ARHGAP10: variants seen among roughly 807,000 people sequenced by gnomAD.
ARHGAP10 encodes the protein Rho GTPase activating protein 10, also known as rho GTPase-activating protein 10.
A neutral mutation model predicts 108.6 loss-of-function variants in ARHGAP10; 87 were observed. That is an observed-to-expected ratio of 0.80 (90% confidence interval 0.67 to 0.96). The LOEUF is 0.96. Ranked by LOEUF, ARHGAP10 falls within the 40% of genes least tolerant of loss-of-function variation. The probability of loss-of-function intolerance (pLI) is 0.00; values close to 1 mark genes in which losing one functional copy is unlikely to be tolerated. For missense variants in ARHGAP10, 939 were observed against 954.5 expected (o/e 0.98, Z 0.21); for synonymous variants, 347 against 341.1 (o/e 1.02, Z -0.19).
chr4:147,944,903 A>T (rs945548010), intron 14 of ARHGAP10, among the ~76,000 whole-genome samples: 2 of 152,074 alleles, frequency 1.3e-5, no homozygotes, highest in African/African-American at 2.4e-5. Context: ...CTTTTCAGTG[A>T]CTCAGCAGTG....
At chr4:147,970,076 C>T (rs1248627203) in intron 18 of ARHGAP10, among the ~76,000 whole-genome samples, 1 of 152,132 alleles carries the variant, frequency 6.6e-6, no homozygotes, top group Non-Finnish European at 1.5e-5. Flanking sequence ...CTTGTCTCTC[C>T]CATTTCATCT....
intron 1 of ARHGAP10, among the ~76,000 whole-genome samples, chr4:147,776,679 T>C (rs1730304950): frequency 6.6e-6 from 1 of 152,146 alleles, no homozygotes; most frequent in African/African-American, 2.4e-5. Flanking sequence ...CTATTCCCTT[T>C]GTTTCCTTGC....
intron 17 of ARHGAP10, among the ~76,000 whole-genome samples, 169 bp from the exon 18 acceptor site, chr4:147,966,511 G>A (rs191467350): frequency 6.6e-6 from 1 of 152,276 alleles, no homozygotes; most frequent in East Asian, 1.9e-4. Context: ...GTAGGCAGGA[G>A]CATCTGCATG....
At chr4:147,974,504 G>A (rs1739522556) in intron 18 of ARHGAP10, among the ~76,000 whole-genome samples, 1 of 152,040 alleles carries the variant, frequency 6.6e-6, no homozygotes, top group African/African-American at 2.4e-5. Flanking sequence ...ATAAAGTAAG[G>A]AATATAATGT....
intron 18 of ARHGAP10, among the ~76,000 whole-genome samples, chr4:148,003,110 C>T (rs112549062): frequency 0.14 from 21,616 of 152,108 alleles, 2,451 homozygotes; most frequent in African/African-American, 0.32. Context: ...TTCTGGTATG[C>T]TGTGTCGTTG....
intron 19 of ARHGAP10, among the ~76,000 whole-genome samples, chr4:148,024,255 G>A (rs1318001414): frequency 6.6e-6 from 1 of 152,182 alleles, no homozygotes; most frequent in Non-Finnish European, 1.5e-5. Flanking sequence ...GAGAACATTT[G>A]CTGAATTTGA....
intron 1 of ARHGAP10, among the ~76,000 whole-genome samples, chr4:147,737,103 T>C (rs1017950320): frequency 2.0e-5 from 3 of 152,132 alleles, no homozygotes; most frequent in Admixed American, 2.0e-4. Flanking sequence ...TGAGTTGGGT[T>C]TTCTGCTACT....
chr4:148,062,647 C>T (rs545620772), intron 20 of ARHGAP10, among the ~76,000 whole-genome samples: 190 of 152,288 alleles, frequency 1.2e-3, no homozygotes, highest in African/African-American at 4.3e-3. Flanking sequence ...TCATTGGTTT[C>T]GAAGTCTTTG....
intron 19 of ARHGAP10, among the ~76,000 whole-genome samples, chr4:148,024,764 A>C (rs1741702949): frequency 6.6e-6 from 1 of 152,200 alleles, no homozygotes; most frequent in South Asian, 2.1e-4. Flanking sequence ...ATTCTTTCTC[A>C]GCAGAGTTGT....
intron 9 of ARHGAP10, among the ~76,000 whole-genome samples, chr4:147,881,194 AC>A (rs1579154626): frequency 1.3e-5 from 2 of 151,652 alleles, no homozygotes; most frequent in Admixed American, 6.6e-5. Flanking sequence ...AGTTGCTTGA[AC>A]CCAGGATTCG....
At position 147,741,767 on chromosome 4, in the gene ARHGAP10, T is replaced by TACAC. The variant is rs369661175; in HGVS notation, c.154+9333_154+9336dup. 7.7e-3 allele frequency among the ~76,000 whole-genome samples: 1,037 copies of TACAC among 134,652 alleles called. 12 individuals are homozygous for TACAC. The highest frequency in any genetic ancestry group is 0.022 in the South Asian group (86 of 3,994). 88.3% of individuals were successfully genotyped at this position (134,652 alleles called of 152,430 possible). A position where few individuals can be genotyped will look rare whatever the true frequency, so the allele number is the denominator to read the frequency against. The stretch of plus-strand genomic sequence containing the variant: ...GCAGGCATCTTGATATCGTTCTCTT[T>TACAC]ACACACACACACACACACACACACG... On this transcript the variant is annotated intron_variant, in intron 1 of 22. Transcript: ENST00000336498.
intron 1 of ARHGAP10, among the ~76,000 whole-genome samples, chr4:147,743,464 A>G (rs1728778534): frequency 6.6e-6 from 1 of 152,110 alleles, no homozygotes; most frequent in African/African-American, 2.4e-5. Flanking sequence ...CTGTGCCTTG[A>G]TTTCCTCCTC....
intron 8 of ARHGAP10, among the ~76,000 whole-genome samples, chr4:147,878,023 G>A (rs890903547): frequency 1.3e-5 from 2 of 151,810 alleles, no homozygotes; most frequent in Non-Finnish European, 2.9e-5. Flanking sequence ...TGCAACTTCC[G>A]CCTCCTGGGT....
chr4:147,914,845 C>T (rs937073947), intron 13 of ARHGAP10, among the ~76,000 whole-genome samples: 2 of 152,100 alleles, frequency 1.3e-5, no homozygotes, highest in African/African-American at 4.8e-5. Context: ...TAACCCAAAA[C>T]ATTTTTTTTT....
chr4:147,745,837 G>A (rs1728894272), intron 1 of ARHGAP10, among the ~76,000 whole-genome samples: 1 of 143,656 alleles, frequency 7.0e-6, no homozygotes, highest in African/African-American at 2.6e-5. Flanking sequence ...GCGTAGGCTG[G>A]GTGCAGTGGC....
At chr4:148,020,601 C>T (rs1741532073) in intron 18 of ARHGAP10, among the ~76,000 whole-genome samples, 1 of 151,516 alleles carries the variant, frequency 6.6e-6, no homozygotes, top group Admixed American at 6.6e-5. Flanking sequence ...CCAGCTCCAA[C>T]CATGTCCCTG....
chr4:147,883,783 C>T (rs543048428), intron 10 of ARHGAP10, among the ~76,000 whole-genome samples: 22 of 152,146 alleles, frequency 1.4e-4, no homozygotes, highest in African/African-American at 5.3e-4. Flanking sequence ...CAACCTCTGC[C>T]TCCCGGGCTC....
intron 3 of ARHGAP10, among the ~76,000 whole-genome samples, chr4:147,826,962 A>G (rs1470968612): frequency 6.6e-6 from 1 of 152,194 alleles, no homozygotes; most frequent in African/African-American, 2.4e-5. Context: ...TACATTTCCA[A>G]GTCACTTTCA....
intron 1 of ARHGAP10, among the ~76,000 whole-genome samples, chr4:147,737,156 A>T (rs1728451612): frequency 6.6e-6 from 1 of 151,852 alleles, no homozygotes; most frequent in Admixed American, 6.6e-5. Context: ...TTAGATTTTT[A>T]AAATTTTATT....
Sources: gnomAD v4.1 joint callset for allele counts (sites outside exome capture counted in the v4.1 genomes callset) on GRCh38, gnomAD v4.1.1 for gene constraint, MANE v1.5 for transcripts, NCBI Gene and HGNC (gene_info 2026-07-23, HGNC 2026-07-21) for gene names.